JMY: variants seen among roughly 807,000 people sequenced by gnomAD.
JMY encodes junction mediating and regulatory protein, p53 cofactor.
Under a neutral mutation model 103.3 loss-of-function variants are expected in JMY, and 46 were observed. The ratio of observed to expected loss-of-function variants is 0.45; its 90% CI spans 0.35 to 0.57. JMY has a LOEUF of 0.57. Ranked by LOEUF, JMY falls within the 20% of genes least tolerant of loss-of-function variation. The pLI, the probability that JMY is intolerant of heterozygous loss-of-function variation, is 0.00. For missense variants in JMY, 1,238 were observed against 1,255.2 expected, an observed-to-expected ratio of 0.99 and a Z score of 0.21; for synonymous variants, 526 against 489.3, an observed-to-expected ratio of 1.07 and a Z score of -0.99.
Position 79,312,423 on chromosome 5 carries a change from T to A in JMY, c.1989T>A (p.Asp663Glu), listed in dbSNP as rs1561314848. 3 of 1,578,900 alleles carry A rather than the reference T, an allele frequency of 1.9e-6. No individual in the cohort carries two copies. Among genetic ancestry groups the A allele is most frequent in the East Asian group, 2.3e-5 (1 of 44,114 alleles). Reference protein sequence around the residue: ...TVQLKREKLHDEEERKSAWVS... With the variant: ...TVQLKREKLHEEEERKSAWVS... The stretch of plus-strand genomic sequence containing the variant: ...ACCAGAAGAGAGAAAAATTACATGA[T>A]GAAGAAGAAAGAAAAAGTGCCTGGG... The change falls in exon 8 of 11, where the codon GAT becomes GAA. Residue 663 changes from aspartate (D) to glutamate (E), a missense_variant. Asp to Glu is a conservative substitution (Grantham distance 45). Coordinates refer to ENST00000396137, the MANE Select transcript of JMY (RefSeq NM_152405.5).
chr5:79,254,892 T>C (rs929161017), intron 1 of JMY, among the ~76,000 whole-genome samples: 2 of 151,832 alleles, frequency 1.3e-5, no homozygotes, highest in Non-Finnish European at 2.9e-5. Flanking sequence ...TCACTATTTC[T>C]TTCTTCTGCT....
At position 79,236,891 on chromosome 5, in the gene JMY, C is replaced by G; in HGVS notation, c.241C>G (p.Pro81Ala). 1 of 1,361,320 alleles carries G rather than the reference C, an allele frequency of 7.3e-7. No homozygotes were observed. The highest frequency in any genetic ancestry group is 4.0e-5 in the Admixed American group (1 of 25,150). 84.3% of individuals were successfully genotyped at this position (1,361,320 alleles called of 1,614,324 possible). A position where few individuals can be genotyped will look rare whatever the true frequency, so the allele number is the denominator to read the frequency against. The change falls in exon 1 of 11, where the codon CCC becomes GCC. Residue 81 changes from proline (P) to alanine (A), a missense_variant. Coordinates refer to ENST00000396137, the MANE Select transcript of JMY (RefSeq NM_152405.5). ...GGAASDGSRGPGSPAGRGRPE... is the reference protein window; with the variant it reads ...GGAASDGSRGAGSPAGRGRPE... ...AGCTGCGTCCGACGGGAGCCGCGGG[C>G]CCGGCAGCCCGGCGGGCAGGGGTCG...
At chr5:79,290,350 T>C (rs745627391) in intron 3 of JMY, 79 bp downstream of exon 3, 92 of 990,054 alleles carry the variant, frequency 9.3e-5, no homozygotes, top group Middle Eastern at 8.2e-4. Context: ...AAAAATTACA[T>C]AGAAAAGTAT....
At chr5:79,279,924 G>A (rs935062154) in intron 2 of JMY, among the ~76,000 whole-genome samples, 2 of 152,090 alleles carry the variant, frequency 1.3e-5, no homozygotes, top group African/African-American at 2.4e-5. Flanking sequence ...GCTCACTGCA[G>A]TCTCGATGTC....
chr5:79,325,877 C>T lies in JMY; in HGVS notation c.*4275C>T, dbSNP rs1747624725. ...AAGGCGGGAGGGAGTCTAGATTCGG[C>T]GAGAGTGTGCGTTTGTGTGTGTGAA... On this transcript the variant is annotated 3_prime_UTR_variant, in exon 11 of 11. Coordinates refer to ENST00000396137, the MANE Select transcript of JMY (RefSeq NM_152405.5). 6.6e-6 allele frequency: 1 copy of T among 152,018 alleles called. No individual in the cohort carries two copies. Among genetic ancestry groups the T allele is most frequent in the African/African-American group, 2.4e-5 (1 of 41,398 alleles). 9.4% of individuals were successfully genotyped at this position (152,018 alleles called of 1,614,324 possible).
intron 4 of JMY, among the ~76,000 whole-genome samples, chr5:79,297,095 G>T (rs1421696689): frequency 3.3e-5 from 5 of 152,042 alleles, no homozygotes; most frequent in African/African-American, 1.2e-4. Flanking sequence ...TTTTCTAGTG[G>T]AAAGAGCACT....
At chr5:79,267,654 A>G (rs768639269) in intron 1 of JMY, among the ~76,000 whole-genome samples, 14 of 152,200 alleles carry the variant, frequency 9.2e-5, no homozygotes, top group East Asian at 3.9e-4. Context: ...GGGTCAAGCA[A>G]TCCTCTTACC....
chr5:79,321,540 C>T (rs968016873), intron 10 of JMY, 66 bp from the exon 11 acceptor site: 2 of 151,468 alleles, frequency 1.3e-5, no homozygotes, highest in African/African-American at 4.9e-5. Context: ...TTTGAGGGAA[C>T]GTAAATACAC....
intron 8 of JMY, among the ~76,000 whole-genome samples, chr5:79,312,767 C>G (rs1207951715): frequency 6.6e-6 from 1 of 152,086 alleles, no homozygotes; most frequent in African/African-American, 2.4e-5. Context: ...AACCTAGATT[C>G]CTCTTGAGTT....
At chr5:79,264,257 TTG>T (rs3992772) in intron 1 of JMY, among the ~76,000 whole-genome samples, 43,479 of 151,758 alleles carry the variant, frequency 0.29, 7,408 homozygotes, top group South Asian at 0.45. Context: ...GGCTAATTTT[TTG>T]TGTTTTTAGT....
chr5:79,287,939 T>C (rs530857082), intron 2 of JMY, among the ~76,000 whole-genome samples: 171 of 152,382 alleles, frequency 1.1e-3, no homozygotes, highest in African/African-American at 3.8e-3. Context: ...CTTGTATCAT[T>C]ATTAAATTTC....
intron 4 of JMY, among the ~76,000 whole-genome samples, chr5:79,299,673 A>G (rs554577311): frequency 4.6e-5 from 7 of 152,164 alleles, no homozygotes; most frequent in Non-Finnish European, 8.8e-5. Flanking sequence ...ACCTCACTCT[A>G]TAGTCAGCAG....
At chr5:79,280,630 T>C (rs1319550573) in intron 2 of JMY, among the ~76,000 whole-genome samples, 2 of 152,220 alleles carry the variant, frequency 1.3e-5, no homozygotes, top group East Asian at 3.8e-4. Flanking sequence ...TAGATTTAGT[T>C]AGCAACTCAT....
chr5:79,241,292 G>A (rs779323668), intron 1 of JMY, among the ~76,000 whole-genome samples: 12 of 152,100 alleles, frequency 7.9e-5, no homozygotes, highest in African/African-American at 2.4e-5. Context: ...CACATCTTGT[G>A]AGCACTCTTA....
At chr5:79,265,387 T>C (rs1454328797) in intron 1 of JMY, among the ~76,000 whole-genome samples, 3 of 152,236 alleles carry the variant, frequency 2.0e-5, no homozygotes, top group African/African-American at 7.2e-5. Context: ...CAAAGTTTAA[T>C]GTATACACTT....
intron 2 of JMY, among the ~76,000 whole-genome samples, chr5:79,279,707 A>G (rs1746053298): frequency 6.6e-6 from 1 of 152,196 alleles, no homozygotes; most frequent in Non-Finnish European, 1.5e-5. Context: ...ATACTTTTGG[A>G]AAATAGCTGT....
chr5:79,249,637 G>A (rs1055477176), intron 1 of JMY, among the ~76,000 whole-genome samples: 1 of 152,128 alleles, frequency 6.6e-6, no homozygotes, highest in African/African-American at 2.4e-5. Context: ...ATGTTTTTGG[G>A]TTTAAAAATT....
chr5:79,300,798 G>T lies in JMY; in HGVS notation c.1816G>T (p.Ala606Ser). The change falls in exon 6 of 11, where the codon GCA becomes TCA. Residue 606 changes from alanine (A) to serine (S), a missense_variant. By Grantham distance (99) the Ala-to-Ser change is moderately conservative. Transcript: ENST00000396137. ...REELQKLQQK[A>S]RQLEARRGRV... ...AGAGCTGCAGAAACTTCAGCAGAAA[G>T]CACGCCAGCTGGAAGCAAGACGTGG... 6.2e-7 allele frequency: 1 copy of T among 1,611,200 alleles called. No individual in the cohort carries two copies. Among genetic ancestry groups the T allele is most frequent in the Non-Finnish European group, 8.5e-7 (1 of 1,179,034 alleles).
At chr5:79,310,056 CCTTTT>C (rs1747000595) in intron 7 of JMY, among the ~76,000 whole-genome samples, 1 of 100,798 alleles carries the variant, frequency 9.9e-6, no homozygotes, top group South Asian at 2.9e-4. Context: ...TCTTTCTTTT[CCTTTT>C]TTTTTTTTTT....
Sources: allele counts gnomAD v4.1 joint callset (sites outside exome capture counted in the v4.1 genomes callset), GRCh38; gene constraint gnomAD v4.1.1; transcripts MANE v1.5; gene names NCBI Gene and HGNC (gene_info 2026-07-23, HGNC 2026-07-21).